The following SYTL2 variants were observed in gnomAD, a reference collection of about 807,000 sequenced individuals.
SYTL2 encodes synaptotagmin like 2.
In SYTL2, 165 loss-of-function variants were observed where a neutral mutation model predicts 198.7. The ratio of observed to expected loss-of-function variants is 0.83; its 90% confidence interval spans 0.73 to 0.94. The LOEUF (loss-of-function observed/expected upper bound fraction) is 0.94, where lower values mean the gene tolerates loss of function less well. SYTL2 is among the 40% of genes least tolerant of loss of function. SYTL2 has a pLI of 0.00. For synonymous variants in SYTL2, 966 were observed against 917.7 expected (o/e 1.05, Z -0.95); for missense variants, 2,835 against 2,582.8 (o/e 1.10, Z -2.12).
intron 10 of SYTL2, chr11:85,717,861 A>G (rs2153447295): frequency 2.9e-6 from 1 of 349,316 alleles, no homozygotes; most frequent in Non-Finnish European, 5.5e-6. Flanking sequence ...TGACTGACTA[A>G]CTATAGGATC....
intron 1 of SYTL2, among the ~76,000 whole-genome samples, chr11:85,808,932 A>G (rs182678187): frequency 2.6e-5 from 4 of 152,242 alleles, no homozygotes; most frequent in Admixed American, 1.3e-4. Flanking sequence ...GTATGTTTAA[A>G]AATTCTTTGT....
At chr11:85,763,234 C>T (rs1195776028) in intron 1 of SYTL2, among the ~76,000 whole-genome samples, 1 of 152,278 alleles carries the variant, frequency 6.6e-6, no homozygotes, top group East Asian at 1.9e-4. Flanking sequence ...GGATAAGGAG[C>T]AGCGGTAGAA....
chr11:85,713,175 A>G (rs2086613066), intron 12 of SYTL2, among the ~76,000 whole-genome samples: 1 of 152,206 alleles, frequency 6.6e-6, no homozygotes, highest in Admixed American at 6.5e-5. Flanking sequence ...AGTTCATCAA[A>G]GGCCCAAGAA....
At chr11:85,801,807 A>AG (rs2092891562) in intron 1 of SYTL2, among the ~76,000 whole-genome samples, 1 of 150,640 alleles carries the variant, frequency 6.6e-6, no homozygotes, top group Non-Finnish European at 1.5e-5. Context: ...CCAACTCAGT[A>AG]GTCTCTTCCC....
intron 4 of SYTL2, among the ~76,000 whole-genome samples, chr11:85,743,927 C>A (rs2090974778): frequency 6.6e-6 from 1 of 152,044 alleles, no homozygotes; most frequent in South Asian, 2.1e-4. Flanking sequence ...TAGTGCTCCC[C>A]AGTCCCCATC....
intron 1 of SYTL2, among the ~76,000 whole-genome samples, chr11:85,806,760 A>G (rs1470641490): frequency 6.6e-6 from 1 of 152,244 alleles, no homozygotes; most frequent in African/African-American, 2.4e-5. Flanking sequence ...CCAGACTTCA[A>G]CTTGGGAAAC....
intron 3 of SYTL2, among the ~76,000 whole-genome samples, chr11:85,747,729 C>A (rs546656843): frequency 3.3e-5 from 5 of 152,270 alleles, no homozygotes; most frequent in Admixed American, 3.3e-4. Flanking sequence ...GTGTCAGCTA[C>A]TACAGCCTCA....
chr11:85,743,001 T>G (rs982617765), intron 4 of SYTL2, among the ~76,000 whole-genome samples: 1 of 152,212 alleles, frequency 6.6e-6, no homozygotes, highest in Non-Finnish European at 1.5e-5. Flanking sequence ...GTACCCACAG[T>G]GTTTTACTTC....
intron 1 of SYTL2, among the ~76,000 whole-genome samples, chr11:85,805,553 C>T (rs377051795): frequency 2.0e-5 from 3 of 152,110 alleles, no homozygotes; most frequent in African/African-American, 7.2e-5. Context: ...CCCTCAGCCT[C>T]AAAGCCCTGT....
At chr11:85,840,228 T>C in the SYTL2 span, among the ~76,000 whole-genome samples, 1 of 152,212 alleles carries the variant, frequency 6.6e-6, no homozygotes, top group Non-Finnish European at 1.5e-5. Context: ...TCTTCGCCCA[T>C]ATTGTAGATT....
intron 12 of SYTL2, among the ~76,000 whole-genome samples, chr11:85,712,695 T>TAC (rs200738930): frequency 0.12 from 17,050 of 145,432 alleles, 1,058 homozygotes; most frequent in Admixed American, 0.16. Context: ...AAAATACATA[T>TAC]ACACACACAC....
At chr11:85,741,943 GCA>G (rs1197340300) in intron 4 of SYTL2, among the ~76,000 whole-genome samples, 3 of 152,160 alleles carry the variant, frequency 2.0e-5, no homozygotes, top group Non-Finnish European at 2.9e-5. Context: ...AGGTGTAAAT[GCA>G]CAGTTTTTCT....
rs2089179750 is a variant in SYTL2 at position 85,726,408 on chromosome 11, T to G, written c.2950A>C (p.Asn984His). ...EQVYNPSQFE[N>H]LRKFWDLEAN... is the part of the protein sequence containing the mutation. ...TCTAAGTCCCAAAACTTTCTCAAATTCTCAAACTGAGAGGGATTATAGACC... is the reference window on the plus strand; with the variant it reads ...TCTAAGTCCCAAAACTTTCTCAAATGCTCAAACTGAGAGGGATTATAGACC... The change falls in exon 8 of 20, where the codon AAT (asparagine) becomes CAT (histidine). Residue 984 changes from asparagine to histidine, a missense_variant. Around this residue, in one of 3 missense-constraint regions of SYTL2, gnomAD observed 2,645 missense variants for 2,381.7 expected, o/e 1.11. Coordinates refer to ENST00000359152, the MANE Select transcript of SYTL2 (RefSeq NM_206927.4). The G allele has an allele frequency of 6.2e-7, 1 of 1,613,266 alleles. No homozygotes were observed. Among genetic ancestry groups the G allele is most frequent in the South Asian group, 1.1e-5 (1 of 90,830 alleles).
intron 1 of SYTL2, among the ~76,000 whole-genome samples, chr11:85,803,295 T>A (rs941787065): frequency 1.3e-5 from 2 of 152,202 alleles, no homozygotes; most frequent in Admixed American, 6.5e-5. Context: ...ATGCACAACA[T>A]GAAAATCAAC....
At chr11:85,718,079 G>C (rs893926003) in intron 10 of SYTL2, among the ~76,000 whole-genome samples, 1 of 152,180 alleles carries the variant, frequency 6.6e-6, no homozygotes, top group African/African-American at 2.4e-5. Context: ...TGATTATAGT[G>C]AAGGCAAATT....
chr11:85,733,932 C>G lies in SYTL2; in HGVS notation c.1390+7G>C, dbSNP rs199953563. ...TTTTTATAATCTAGTAGTGACAACT[C>G]TCTTACCAGCAGGGCTTCTGGGTAA... On this transcript the variant is annotated splice_region_variant and intron_variant, in intron 7 of 19. Coordinates refer to ENST00000359152, the MANE Select transcript of SYTL2 (RefSeq NM_206927.4). 2 of 1,612,798 alleles carry G rather than the reference C, an allele frequency of 1.2e-6. No individual in the cohort carries two copies. The highest frequency in any genetic ancestry group is 2.2e-5 in the South Asian group (2 of 90,936).
Position 85,707,550 on chromosome 11 carries a change from C to A in SYTL2, c.5916-19G>T, listed in dbSNP as rs760787036. 5 of 224,636 alleles carry A rather than the reference C, an allele frequency of 2.2e-5. No homozygotes were observed. The highest frequency in any genetic ancestry group is 1.8e-4 in the African/African-American group (4 of 21,624). The allele number at this position is 224,636 out of a possible 1,614,324, so 13.9% of individuals were successfully genotyped here. On this transcript the variant is annotated intron_variant, in intron 14 of 19. Transcript: ENST00000359152. ...TACATATCTGAAAAGGAGAATTGAA[C>A]AGACAAAGTCAAAGAAAATAAAAGT... is the stretch of plus-strand genomic sequence containing the variant.
the SYTL2 span, among the ~76,000 whole-genome samples, chr11:85,842,158 G>T: frequency 1.3e-5 from 2 of 152,228 alleles, no homozygotes; most frequent in Non-Finnish European, 2.9e-5. Context: ...GGTAAGGAGA[G>T]CTACAAAGGG....
At chr11:85,806,889 T>C (rs1008083791) in intron 1 of SYTL2, among the ~76,000 whole-genome samples, 2 of 152,224 alleles carry the variant, frequency 1.3e-5, no homozygotes, top group Admixed American at 1.3e-4. Context: ...TAAACCCAGA[T>C]TGCACAGATT....
Sources: gnomAD v4.1 joint callset for allele counts (sites outside exome capture counted in the v4.1 genomes callset) on GRCh38, gnomAD v4.1.1 for gene constraint, gnomAD v4.1.1 regional missense constraint, MANE v1.5 for transcripts, NCBI Gene and HGNC (gene_info 2026-07-23, HGNC 2026-07-21) for gene names.